Variants in UGGT2 observed in about 807,000 individuals in gnomAD.
UGGT2 encodes UDP-glucose glycoprotein glucosyltransferase 2.
A neutral mutation model predicts 192.1 loss-of-function variants in UGGT2; 180 were observed. That is an observed-to-expected ratio of 0.94 (90% CI 0.83 to 1.06). UGGT2 has a LOEUF of 1.06. Ranked by LOEUF, UGGT2 falls within the 50% of genes least tolerant of loss-of-function variation. The probability of loss-of-function intolerance (pLI) is 0.00; values close to 1 mark genes in which losing one functional copy is unlikely to be tolerated. For missense variants in UGGT2, 1,849 were observed against 1,795.7 expected (o/e 1.03, Z -0.54); for synonymous variants, 580 against 591.0 (o/e 0.98, Z 0.27).
Position 95,884,650 on chromosome 13 carries a change from C to G in UGGT2, c.3069G>C (p.Leu1023=). 1 of 1,613,586 alleles carries G rather than the reference C, an allele frequency of 6.2e-7. No individual in the cohort carries two copies. The highest frequency in any genetic ancestry group is 8.5e-7 in the Non-Finnish European group (1 of 1,179,688). Residue 1023 remains leucine, a synonymous_variant, in exon 27 of 39, where the codon CTG becomes CTC. Transcript: ENST00000376747. ...SFYRFVLEPE[L]MSGANDVSSL... ...AAGAAACGTCATTAGCCCCTGACAT[C>G]AGTTCTGGTTCCAGAACAAAACGGT...
chr13:95,899,426 A>T (rs1319493481), intron 22 of UGGT2, among the ~76,000 whole-genome samples: 1 of 152,134 alleles, frequency 6.6e-6, no homozygotes, highest in South Asian at 2.1e-4. Context: ...TTTGGTTCAC[A>T]GTAGGTGTAA....
At chr13:95,938,484 ACTT>A (rs2049543942) in intron 16 of UGGT2, among the ~76,000 whole-genome samples, 2 of 152,286 alleles carry the variant, frequency 1.3e-5, no homozygotes, top group East Asian at 1.9e-4. Context: ...AGATTAAATC[ACTT>A]CTTATGTTAC....
rs1325117685 is a variant in UGGT2, at chr13:96,039,562, T to C, written c.159-7591A>G. 1.2e-4 allele frequency among the ~76,000 whole-genome samples: 18 copies of C among 152,318 alleles called. No individual in the cohort carries two copies. The South Asian group carries it at 2.1e-3, about 18-fold the overall frequency. ...CATTCCCAACACTGAGTTTCCTAGT[T>C]GTAACACTCTTTACAATCTGGATAG... On this transcript the variant is annotated intron_variant, in intron 1 of 38. Transcript: ENST00000376747.
At chr13:95,837,318 C>T (rs781063234) in intron 36 of UGGT2, 116 bp from the exon 37 acceptor site, 1 of 719,904 alleles carries the variant, frequency 1.4e-6, no homozygotes, top group Admixed American at 2.2e-5. Flanking sequence ...ATATGCAAAT[C>T]TGAGATTTCT....
chr13:96,021,617 T>C (rs2052518682), intron 4 of UGGT2, among the ~76,000 whole-genome samples: 1 of 152,194 alleles, frequency 6.6e-6, no homozygotes, highest in Admixed American at 6.5e-5. Flanking sequence ...AAAGCAATCT[T>C]AATTCAAAAG....
At chr13:96,033,423 T>C (rs2052900190) in intron 1 of UGGT2, among the ~76,000 whole-genome samples, 1 of 152,068 alleles carries the variant, frequency 6.6e-6, no homozygotes, top group Non-Finnish European at 1.5e-5. Context: ...CAGGTGCAGC[T>C]GTCCGGACCC....
intron 36 of UGGT2, among the ~76,000 whole-genome samples, chr13:95,844,540 T>C (rs1273317814): frequency 6.6e-6 from 1 of 152,176 alleles, no homozygotes; most frequent in East Asian, 1.9e-4. Context: ...GACCACTAAG[T>C]TTTTCATTTT....
intron 7 of UGGT2, among the ~76,000 whole-genome samples, chr13:95,993,461 T>C (rs1190025422): frequency 2.6e-5 from 4 of 152,078 alleles, no homozygotes; most frequent in Non-Finnish European, 5.9e-5. Context: ...TTGGAGAAAA[T>C]GCAATTTAAT....
At chr13:96,002,388 C>T (rs1412687407) in intron 5 of UGGT2, among the ~76,000 whole-genome samples, 1 of 152,202 alleles carries the variant, frequency 6.6e-6, no homozygotes, top group Non-Finnish European at 1.5e-5. Context: ...TTTCTGAAAA[C>T]ACTTTCATCA....
intron 7 of UGGT2, 105 bp downstream of exon 7, chr13:95,995,958 T>G (rs1046891093): frequency 2.3e-5 from 22 of 943,652 alleles, no homozygotes; most frequent in Non-Finnish European, 3.5e-5. Context: ...GTTTGTACTT[T>G]CTACATAAAA....
intron 20 of UGGT2, among the ~76,000 whole-genome samples, chr13:95,910,874 T>G (rs2048471300): frequency 6.6e-6 from 1 of 152,014 alleles, no homozygotes; most frequent in African/African-American, 2.4e-5. Flanking sequence ...AGAACACAAA[T>G]CACAACAAAC....
At chr13:95,993,290 C>T (rs1416502364) in intron 7 of UGGT2, among the ~76,000 whole-genome samples, 3 of 152,152 alleles carry the variant, frequency 2.0e-5, no homozygotes, top group Admixed American at 6.5e-5. Flanking sequence ...GGGTACTATG[C>T]TCACTACCTG....
chr13:95,940,109 T>G lies in UGGT2; in HGVS notation c.1678-18A>C. 7.1e-7 allele frequency: 1 copy of G among 1,414,870 alleles called. No individual in the cohort carries two copies. Among genetic ancestry groups the G allele is most frequent in the Non-Finnish European group, 9.5e-7 (1 of 1,055,282 alleles). 87.6% of individuals were successfully genotyped at this position (1,414,870 alleles called of 1,614,324 possible). A position where few individuals can be genotyped will look rare whatever the true frequency, so the allele number is the denominator to read the frequency against. ...TGGTACATCTGTGAAAATTTAGATA[T>G]TATAATTAATTTTCTTCTTATAGCA... On this transcript the variant is annotated intron_variant, in intron 15 of 38. Coordinates refer to ENST00000376747, the MANE Select transcript of UGGT2 (RefSeq NM_020121.4).
chr13:95,855,471 A>C (rs1252831672), intron 34 of UGGT2, among the ~76,000 whole-genome samples: 1 of 150,330 alleles, frequency 6.7e-6, no homozygotes, highest in Non-Finnish European at 1.5e-5. Context: ...TGGACATATA[A>C]ATTTTGAAAG....
At chr13:95,921,512 A>G (rs1453298799) in intron 20 of UGGT2, among the ~76,000 whole-genome samples, 1 of 152,136 alleles carries the variant, frequency 6.6e-6, no homozygotes, top group African/African-American at 2.4e-5. Flanking sequence ...ACACTACACG[A>G]AGTTACAGAA....
intron 36 of UGGT2, among the ~76,000 whole-genome samples, chr13:95,840,444 G>C (rs1480986668): frequency 6.6e-6 from 1 of 152,086 alleles, no homozygotes; most frequent in Non-Finnish European, 1.5e-5. Context: ...ACGAAATAAA[G>C]TTCATCATCA....
intron 38 of UGGT2, among the ~76,000 whole-genome samples, chr13:95,819,519 T>A (rs1046857454): frequency 3.6e-5 from 5 of 137,232 alleles, no homozygotes; most frequent in African/African-American, 1.3e-4. Context: ...TATGTATGTA[T>A]GTAATAGTAT....
At chr13:95,826,443 T>A (rs181142938) in intron 38 of UGGT2, among the ~76,000 whole-genome samples, 1 of 152,136 alleles carries the variant, frequency 6.6e-6, no homozygotes. Flanking sequence ...TATTTGGAGA[T>A]AAGATGTGGG....
chr13:96,021,005 A>C (rs940288018), intron 4 of UGGT2, among the ~76,000 whole-genome samples: 1 of 152,222 alleles, frequency 6.6e-6, no homozygotes. Context: ...GGGTGACAAA[A>C]TATGGACTTA....
Sources: allele counts gnomAD v4.1 joint callset (sites outside exome capture counted in the v4.1 genomes callset), GRCh38; gene constraint gnomAD v4.1.1; transcripts MANE v1.5; gene names NCBI Gene and HGNC (gene_info 2026-07-23, HGNC 2026-07-21).